The following LOC128092253 variants were observed in gnomAD, a reference collection of about 807,000 sequenced individuals.
the LOC128092253 span, among the ~76,000 whole-genome samples, chr6:133,955,295 T>C: frequency 8.6e-5 from 13 of 150,456 alleles, no homozygotes; most frequent in Non-Finnish European, 1.5e-4. Context: ...CTTCCACCTT[T>C]ATTAACAATG....
chr6:133,970,977 T>G, the LOC128092253 span, among the ~76,000 whole-genome samples: 8 of 152,298 alleles, frequency 5.3e-5, no homozygotes, highest in Admixed American at 3.3e-4. Context: ...CTAGCTATTT[T>G]ATGATATACT....
At chr6:133,969,353 G>A in the LOC128092253 span, among the ~76,000 whole-genome samples, 1 of 140,720 alleles carries the variant, frequency 7.1e-6, no homozygotes, top group Non-Finnish European at 1.5e-5. Context: ...TCTTAATATA[G>A]ATTTTTTTAA....
At chr6:133,966,778 T>C in the LOC128092253 span, among the ~76,000 whole-genome samples, 1 of 151,370 alleles carries the variant, frequency 6.6e-6, no homozygotes, top group Non-Finnish European at 1.5e-5. Context: ...CTCTATCTCT[T>C]AAAACTGCCT....
At chr6:133,958,219 T>C in the LOC128092253 span, among the ~76,000 whole-genome samples, 3 of 152,224 alleles carry the variant, frequency 2.0e-5, no homozygotes, top group African/African-American at 7.2e-5. Context: ...GTATGATACT[T>C]CTGAATAAAA....
the LOC128092253 span, among the ~76,000 whole-genome samples, chr6:133,966,539 T>A: frequency 1.3e-5 from 2 of 152,326 alleles, no homozygotes; most frequent in African/African-American, 2.4e-5. Context: ...GCAATGGACT[T>A]TTAGCTGATT....
chr6:133,964,853 G>C, the LOC128092253 span, among the ~76,000 whole-genome samples: 1 of 152,174 alleles, frequency 6.6e-6, no homozygotes, highest in African/African-American at 2.4e-5. Flanking sequence ...GTCTATGCTA[G>C]AGCATTTTAT....
At chr6:133,965,946 C>A in the LOC128092253 span, among the ~76,000 whole-genome samples, 1 of 152,100 alleles carries the variant, frequency 6.6e-6, no homozygotes, top group Non-Finnish European at 1.5e-5. Context: ...GTTTATCTGC[C>A]TTATTTTACA....
the LOC128092253 span, among the ~76,000 whole-genome samples, chr6:133,963,874 C>CAAAA: frequency 1.5e-4 from 14 of 94,438 alleles, no homozygotes; most frequent in Non-Finnish European, 3.0e-4. Flanking sequence ...ACTAAAAATA[C>CAAAA]AAAAAAAAAA....
At chr6:133,955,230 G>T in the LOC128092253 span, among the ~76,000 whole-genome samples, 1 of 148,682 alleles carries the variant, frequency 6.7e-6, no homozygotes, top group African/African-American at 2.5e-5. Flanking sequence ...ACTTGACCCA[G>T]ATCTAGTTTG....
At chr6:133,969,367 T>A in the LOC128092253 span, among the ~76,000 whole-genome samples, 1 of 150,740 alleles carries the variant, frequency 6.6e-6, no homozygotes, top group East Asian at 2.0e-4. Context: ...TTTTTAACCA[T>A]AATTCACTTT....
chr6:133,954,753 T>A, the LOC128092253 span, among the ~76,000 whole-genome samples: 1 of 152,204 alleles, frequency 6.6e-6, no homozygotes, highest in East Asian at 1.9e-4. Flanking sequence ...ACCTGACTTC[T>A]CCTAAGCAAA....
At chr6:133,966,072 G>A in the LOC128092253 span, among the ~76,000 whole-genome samples, 1 of 152,042 alleles carries the variant, frequency 6.6e-6, no homozygotes, top group Non-Finnish European at 1.5e-5. Context: ...CAGAGACAGA[G>A]AGAGACAGAA....
At chr6:133,957,105 A>G in the LOC128092253 span, among the ~76,000 whole-genome samples, 1 of 152,208 alleles carries the variant, frequency 6.6e-6, no homozygotes, top group East Asian at 1.9e-4. Context: ...GATAAAATAG[A>G]GAATTTGGTT....
At chr6:133,976,967 C>CAAAAAAAAA in the LOC128092253 span, among the ~76,000 whole-genome samples, 1 of 62,172 alleles carries the variant, frequency 1.6e-5, no homozygotes, top group Non-Finnish European at 3.4e-5. Flanking sequence ...GACTTGGTCT[C>CAAAAAAAAA]AAAAAAAAAA....
At chr6:133,978,526 TCC>T in the LOC128092253 span, among the ~76,000 whole-genome samples, 1 of 152,200 alleles carries the variant, frequency 6.6e-6, no homozygotes, top group Admixed American at 6.5e-5. Context: ...TATATATCTA[TCC>T]ATCAGTTCCT....
chr6:133,962,066 G>C, the LOC128092253 span, among the ~76,000 whole-genome samples: 1 of 152,104 alleles, frequency 6.6e-6, no homozygotes, highest in East Asian at 1.9e-4. Flanking sequence ...GGGAAAGGAC[G>C]ATTTAGGCAG....
the LOC128092253 span, among the ~76,000 whole-genome samples, chr6:133,963,011 T>G: frequency 4.6e-5 from 7 of 152,326 alleles, no homozygotes; most frequent in Non-Finnish European, 7.3e-5. Flanking sequence ...TCCCAGTGCT[T>G]TATGCTCTAG....
chr6:133,975,923 T>C, the LOC128092253 span, among the ~76,000 whole-genome samples: 1 of 152,206 alleles, frequency 6.6e-6, no homozygotes, highest in African/African-American at 2.4e-5. Flanking sequence ...ATCTTAAATA[T>C]ATGGTAGTGC....
the LOC128092253 span, among the ~76,000 whole-genome samples, chr6:133,954,451 G>GA: frequency 6.6e-6 from 1 of 152,232 alleles, no homozygotes; most frequent in Admixed American, 6.5e-5. Flanking sequence ...ATTGAGAAGT[G>GA]ACTGTTAGCA....
Sources: allele counts gnomAD v4.1 joint callset (sites outside exome capture counted in the v4.1 genomes callset), GRCh38; gene constraint gnomAD v4.1.1; transcripts MANE v1.5.